Variants in DOCK4 observed in about 807,000 individuals in gnomAD.
DOCK4 encodes the protein dedicator of cytokinesis 4.
In DOCK4, 97 loss-of-function variants were observed where a neutral mutation model predicts 268.1. That is an observed-to-expected ratio of 0.36 (90% CI 0.31 to 0.43). The LOEUF is 0.43. DOCK4 is among the 20% of genes least tolerant of loss of function. The pLI, the probability that DOCK4 is intolerant of heterozygous loss-of-function variation, is 1.00. For synonymous variants in DOCK4, 954 were observed against 887.2 expected (o/e 1.08, Z -1.34); for missense variants, 2,145 against 2,455.7 (o/e 0.87, Z 2.67).
chr7:111,923,802 C>T (rs1426414017), intron 12 of DOCK4, among the ~76,000 whole-genome samples: 1 of 152,160 alleles, frequency 6.6e-6, no homozygotes, highest in Admixed American at 6.5e-5. Flanking sequence ...TCAGGTTATT[C>T]CATTGCATTT....
At chr7:111,878,573 A>C (rs1339333146) in intron 16 of DOCK4, among the ~76,000 whole-genome samples, 1 of 152,194 alleles carries the variant, frequency 6.6e-6, no homozygotes, top group Admixed American at 6.5e-5. Context: ...GACAGTTCTG[A>C]ATCTCCAACG....
At chr7:111,830,430 C>CAAA (rs1269911430) in intron 26 of DOCK4, among the ~76,000 whole-genome samples, 3 of 151,676 alleles carry the variant, frequency 2.0e-5, no homozygotes, top group Non-Finnish European at 4.4e-5. Context: ...ATTCTCAAAA[C>CAAA]AAAACAAAAC....
chr7:111,958,230 G>A (rs531760141), intron 8 of DOCK4, among the ~76,000 whole-genome samples: 74 of 152,266 alleles, frequency 4.9e-4, no homozygotes, highest in Non-Finnish European at 9.4e-4. Flanking sequence ...ACAAGGTGCT[G>A]AAAACATCTA....
chr7:111,736,097 C>T lies in DOCK4; in HGVS notation c.5305+820G>A, dbSNP rs184946800. 5.2e-3 allele frequency among the ~76,000 whole-genome samples: 796 copies of T among 152,192 alleles called. 6 individuals carry two copies. Among genetic ancestry groups the T allele is most frequent in the Non-Finnish European group, 8.6e-3 (582 of 68,014 alleles). ...AATTTGTGTTTTAAAATAATTTTGC[C>T]TAAGACTTCACTAATTTCCATCTCC... On this transcript the variant is annotated intron_variant, in intron 50 of 52. Transcript: ENST00000428084.
chr7:111,729,345 GCCAGGAGCTTGAGA>G, intron 52 of DOCK4, among the ~76,000 whole-genome samples: 1 of 152,200 alleles, frequency 6.6e-6, no homozygotes, highest in East Asian at 1.9e-4. Context: ...ATCACTTGAG[GCCAGGAGCTTGAGA>G]CCAGCCTGGG....
At chr7:112,103,679 C>G (rs1810887123) in intron 1 of DOCK4, among the ~76,000 whole-genome samples, 1 of 152,104 alleles carries the variant, frequency 6.6e-6, no homozygotes, top group African/African-American at 2.4e-5. Flanking sequence ...GCTAGGAGTT[C>G]AAGACCAGCC....
At chr7:111,770,993 A>C (rs1379367506) in intron 36 of DOCK4, among the ~76,000 whole-genome samples, 1 of 152,202 alleles carries the variant, frequency 6.6e-6, no homozygotes, top group East Asian at 1.9e-4. Flanking sequence ...CTCCTGGTTC[A>C]ATTATTATTG....
In DOCK4 at chr7:111,745,083, G is replaced by C. The variant is rs116218545; in HGVS notation, c.4677+1251C>G. 6.8e-3 allele frequency among the ~76,000 whole-genome samples: 1,038 copies of C among 152,204 alleles called. 7 individuals are homozygous for C. Among genetic ancestry groups the C allele is most frequent in the African/African-American group, 0.022 (931 of 41,530 alleles). On this transcript the variant is annotated intron_variant, in intron 44 of 52. Coordinates refer to ENST00000428084, the MANE Select transcript of DOCK4 (RefSeq NM_001363540.2). ...GCTTCCAACCATGTCTCCTACCTCA[G>C]AGGTTTTCAAACCATTTCAGGCTAT...
intron 1 of DOCK4, among the ~76,000 whole-genome samples, chr7:112,181,265 C>T (rs925500226): frequency 9.9e-5 from 15 of 152,130 alleles, no homozygotes; most frequent in Admixed American, 1.3e-4. Flanking sequence ...CACTGAAGTC[C>T]ATATTCTACA....
intron 1 of DOCK4, among the ~76,000 whole-genome samples, chr7:112,037,993 G>A (rs1181478087): frequency 6.6e-6 from 1 of 152,100 alleles, no homozygotes; most frequent in Admixed American, 6.5e-5. Context: ...AAATTAATCA[G>A]AAGTCAAAAG....
intron 12 of DOCK4, 37 bp downstream of exon 12, chr7:111,935,503 A>C (rs1794668929): frequency 2.5e-6 from 4 of 1,591,432 alleles, no homozygotes; most frequent in African/African-American, 1.3e-5. Context: ...GCTTGGAACG[A>C]AAAGTGTAGG....
intron 1 of DOCK4, among the ~76,000 whole-genome samples, chr7:112,122,333 TCCC>T (rs1157711004): frequency 3.9e-5 from 6 of 152,160 alleles, no homozygotes; most frequent in Non-Finnish European, 8.8e-5. Context: ...CTTTCCTCTG[TCCC>T]CCCAACCTCT....
At chr7:111,843,561 A>C (rs1241414598) in intron 25 of DOCK4, among the ~76,000 whole-genome samples, 2 of 152,188 alleles carry the variant, frequency 1.3e-5, no homozygotes, top group African/African-American at 4.8e-5. Flanking sequence ...CTCCAAAAAA[A>C]CGGGTAACAC....
chr7:112,072,675 C>T (rs1489654226), intron 1 of DOCK4, among the ~76,000 whole-genome samples: 1 of 152,172 alleles, frequency 6.6e-6, no homozygotes, highest in East Asian at 1.9e-4. Flanking sequence ...GTTAAACTGT[C>T]TCCCTAAAAT....
intron 26 of DOCK4, among the ~76,000 whole-genome samples, chr7:111,825,154 T>C (rs1802298209): frequency 6.6e-6 from 1 of 152,170 alleles, no homozygotes; most frequent in East Asian, 1.9e-4. Flanking sequence ...AAAATCAGTA[T>C]GATCATTTAG....
At chr7:112,166,479 G>A (rs532739556) in intron 1 of DOCK4, among the ~76,000 whole-genome samples, 2 of 152,258 alleles carry the variant, frequency 1.3e-5, no homozygotes, top group South Asian at 4.1e-4. Context: ...GTTATTCTAA[G>A]TAATCACTTT....
chr7:111,958,279 C>T (rs1294589108), intron 8 of DOCK4, among the ~76,000 whole-genome samples: 1 of 152,162 alleles, frequency 6.6e-6, no homozygotes, highest in African/African-American at 2.4e-5. Context: ...GGAAAAGGAA[C>T]TAAGAAGAAC....
chr7:111,919,648 T>C (rs1203281983), intron 12 of DOCK4, among the ~76,000 whole-genome samples: 1 of 152,188 alleles, frequency 6.6e-6, no homozygotes, highest in Non-Finnish European at 1.5e-5. Context: ...TTACTGCCAT[T>C]TGGAGGTTCC....
intron 41 of DOCK4, among the ~76,000 whole-genome samples, chr7:111,756,760 A>C (rs1364496746): frequency 2.6e-5 from 4 of 152,060 alleles, no homozygotes; most frequent in African/African-American, 7.2e-5. Context: ...ACCACAACAA[A>C]AAAAAAAATG....
Sources: gnomAD v4.1 joint callset for allele counts (sites outside exome capture counted in the v4.1 genomes callset) on GRCh38, gnomAD v4.1.1 for gene constraint, MANE v1.5 for transcripts, NCBI Gene and HGNC (gene_info 2026-07-23, HGNC 2026-07-21) for gene names.